Variants in LRSAM1 observed in about 807,000 individuals in gnomAD.
LRSAM1 encodes the protein E3 ubiquitin-protein ligase LRSAM1.
Under a neutral mutation model 118.1 loss-of-function variants are expected in LRSAM1, and 96 were observed. The observed-to-expected ratio is 0.81, with a 90% CI of 0.69 to 0.96. The LOEUF is 0.96. Among genes scored for constraint, LRSAM1 ranks in the 40% least tolerant of loss-of-function variants. The pLI, the probability that LRSAM1 is intolerant of heterozygous loss-of-function variation, is 0.00. For synonymous variants in LRSAM1, 322 were observed against 364.2 expected, an observed-to-expected ratio of 0.88 and a Z score of 1.32; for missense variants, 804 against 915.5, an observed-to-expected ratio of 0.88 and a Z score of 1.57.
At chr9:127,462,401 G>T in intron 9 of LRSAM1, 28 bp downstream of exon 9, 1 of 1,613,394 alleles carries the variant, frequency 6.2e-7, no homozygotes, top group Non-Finnish European at 8.5e-7. Context: ...CTTGCCTGGG[G>T]TGCTCTCTGG....
At chr9:127,471,701 C>T (rs1025777565) in intron 10 of LRSAM1, among the ~76,000 whole-genome samples, 10 of 149,454 alleles carry the variant, frequency 6.7e-5, no homozygotes, top group African/African-American at 1.2e-4. Context: ...GCAGGAGAAT[C>T]GCTTGAACCC....
chr9:127,492,333 T>C (rs1835962066), intron 20 of LRSAM1, among the ~76,000 whole-genome samples: 1 of 152,208 alleles, frequency 6.6e-6, no homozygotes, highest in African/African-American at 2.4e-5. Flanking sequence ...GCGGGTGCCC[T>C]AGTCCCTGCC....
intron 16 of LRSAM1, among the ~76,000 whole-genome samples, chr9:127,484,012 C>T (rs1835633578): frequency 6.6e-6 from 1 of 152,144 alleles, no homozygotes; most frequent in Admixed American, 6.5e-5. Flanking sequence ...ACAACTGCCA[C>T]CACCATCCAT....
In LRSAM1 at chr9:127,485,898, C is replaced by T. The variant is rs1018209923; in HGVS notation, c.1259+63C>T. 32 of 1,528,344 alleles carry T rather than the reference C, an allele frequency of 2.1e-5. No individual in the cohort carries two copies. In the African/African-American group the frequency reaches 2.9e-4, roughly 14 times the overall value. The allele number at this position is 1,528,344 out of a possible 1,614,324, so 94.7% of individuals were successfully genotyped here. A position where few individuals can be genotyped will look rare whatever the true frequency, so the allele number is the denominator to read the frequency against. ...GGGGAGCTGGCTCAGGGCCCAAGAC[C>T]GTGGGATGAGAGCTGGGCACTAAAC... is the stretch of plus-strand genomic sequence containing the variant. On this transcript the variant is annotated intron_variant, in intron 17 of 25. Transcript: ENST00000300417.
chr9:127,485,618 A>G, intron 16 of LRSAM1, 118 bp from the exon 17 acceptor site: 1 of 888,604 alleles, frequency 1.1e-6, no homozygotes, highest in Non-Finnish European at 1.9e-6. Flanking sequence ...CAGGTAGGTA[A>G]CCAGGTGAGG....
intron 9 of LRSAM1, among the ~76,000 whole-genome samples, chr9:127,466,778 G>A (rs950121452): frequency 3.3e-5 from 5 of 151,708 alleles, no homozygotes; most frequent in East Asian, 1.9e-4. Context: ...TTTGGGAGGC[G>A]GGCGAATTGC....
chr9:127,491,183 T>C (rs1564278991), intron 19 of LRSAM1, 32 bp from the exon 20 acceptor site: 2 of 1,547,870 alleles, frequency 1.3e-6, no homozygotes. Context: ...TTAATGTGAG[T>C]AAAAAAAAAC....
chr9:127,489,531 G>A lies in LRSAM1; in HGVS notation c.1422+13G>A. ...GATCAGGAGCCAGGTGAGCGCTGGG[G>A]CTGGGGTCCCTGGACCTGCTCTCTC... On this transcript the variant is annotated intron_variant, in intron 19 of 25. Transcript: ENST00000300417. 6.2e-7 allele frequency: 1 copy of A among 1,601,920 alleles called. No individual in the cohort carries two copies. Among genetic ancestry groups the A allele is most frequent in the South Asian group, 1.1e-5 (1 of 88,738 alleles).
chr9:127,481,334 C>T lies in LRSAM1; in HGVS notation c.1088+107C>T. ...GTGGCACAATCTCGGCTCAGTGCAA[C>T]CCCCGCCGCCCAGGTCCAAGCAATT... On this transcript the variant is annotated intron_variant, in intron 15 of 25. Transcript: ENST00000300417. 4 of 1,207,196 alleles carry T rather than the reference C, an allele frequency of 3.3e-6. No individual in the cohort carries two copies. The South Asian group carries it at 3.8e-5, about 11-fold the overall frequency. 74.8% of individuals were successfully genotyped at this position (1,207,196 alleles called of 1,614,324 possible).
rs565955354 is a variant in LRSAM1, at chr9:127,455,426, G to A, written c.130-150G>A. ...ACATCCCCAACACCACTGCTTGCCA[G>A]CCTTGCCCCTGGGCTCAGCACTGCC... is the stretch of plus-strand genomic sequence containing the variant. On this transcript the variant is annotated intron_variant, in intron 4 of 25. Transcript: ENST00000300417. The A allele has an allele frequency of 1.3e-3, 1,009 of 806,404 alleles. 3 individuals are homozygous for A. Among genetic ancestry groups the A allele is most frequent in the South Asian group, 2.3e-3 (160 of 69,428 alleles). 50.0% of individuals were successfully genotyped at this position (806,404 alleles called of 1,614,324 possible). A position where few individuals can be genotyped will look rare whatever the true frequency, so the allele number is the denominator to read the frequency against.
chr9:127,461,347 T>C (rs933580114), intron 8 of LRSAM1, 90 bp downstream of exon 8: 55 of 1,201,584 alleles, frequency 4.6e-5, no homozygotes, highest in Non-Finnish European at 6.6e-5. Context: ...CCGGGAGCCA[T>C]TGAGCAGGAG....
chr9:127,479,992 C>A lies in LRSAM1; in HGVS notation c.1043+14C>A, dbSNP rs1302106669. 2 of 1,614,060 alleles carry A rather than the reference C, an allele frequency of 1.2e-6. No individual in the cohort carries two copies. The highest frequency in any genetic ancestry group is 3.3e-5 in the Admixed American group (2 of 59,996). ...GGACAATCAGAGGTTGGGCTCTGCT[C>A]CTCGGCCCCAGCCCCAGAGTCCTTC... On this transcript the variant is annotated intron_variant, in intron 14 of 25. Coordinates refer to ENST00000300417, the MANE Select transcript of LRSAM1 (RefSeq NM_001005373.4).
At chr9:127,488,183 G>A (rs1835800875) in intron 18 of LRSAM1, among the ~76,000 whole-genome samples, 1 of 152,182 alleles carries the variant, frequency 6.6e-6, no homozygotes, top group Admixed American at 6.5e-5. Flanking sequence ...GGAGGTGCCT[G>A]GCAGGGCTCT....
In LRSAM1 at chr9:127,489,593, G is replaced by A. The variant is rs898042191; in HGVS notation, c.1422+75G>A. 1.1e-5 allele frequency: 17 copies of A among 1,503,930 alleles called. No individual in the cohort carries two copies. In the East Asian group the frequency reaches 1.9e-4, roughly 17 times the overall value. The allele number at this position is 1,503,930 out of a possible 1,614,324, so 93.2% of individuals were successfully genotyped here. On this transcript the variant is annotated intron_variant, in intron 19 of 25. Coordinates refer to ENST00000300417, the MANE Select transcript of LRSAM1 (RefSeq NM_001005373.4). The stretch of plus-strand genomic sequence containing the variant: ...GAGTGGCCCTCCAGGGCGGCAGGTC[G>A]CAGCAGTTGAGGTTTGAACCCCAGC...
chr9:127,453,644 CTCTAAGTT>C (rs1450971521), intron 2 of LRSAM1: 2 of 152,256 alleles, frequency 1.3e-5, no homozygotes, highest in African/African-American at 4.8e-5. Context: ...GAGGAAACGT[CTCTAAGTT>C]TCCCTAGAAC....
chr9:127,481,901 A>C (rs1835552416), intron 15 of LRSAM1, among the ~76,000 whole-genome samples: 1 of 152,082 alleles, frequency 6.6e-6, no homozygotes, highest in Middle Eastern at 3.4e-3. Context: ...ACTAAAAATC[A>C]AAACTTAGCC....
rs142195263 is a variant in LRSAM1, at chr9:127,480,082, C to T, written c.1043+104C>T. ...TCCCTCACTGCCTCTGCCCCTGCCCCGGGCTTCCCTTGTCAGGATCCAGTC... is the reference window on the plus strand; with the variant it reads ...TCCCTCACTGCCTCTGCCCCTGCCCTGGGCTTCCCTTGTCAGGATCCAGTC... On this transcript the variant is annotated intron_variant, in intron 14 of 25. Coordinates refer to ENST00000300417, the MANE Select transcript of LRSAM1 (RefSeq NM_001005373.4). 2,219 of 1,507,138 alleles carry T rather than the reference C, an allele frequency of 1.5e-3. 31 individuals are homozygous for T. The African/African-American group carries it at 0.026, about 18-fold the overall frequency. The allele number at this position is 1,507,138 out of a possible 1,614,324, so 93.4% of individuals were successfully genotyped here. A position where few individuals can be genotyped will look rare whatever the true frequency, so the allele number is the denominator to read the frequency against.
intron 19 of LRSAM1, among the ~76,000 whole-genome samples, chr9:127,490,274 C>CT (rs1196396071): frequency 8.2e-6 from 1 of 121,214 alleles, no homozygotes; most frequent in East Asian, 2.1e-4. Context: ...TTCTTTCTTT[C>CT]TTTTTTTGGA....
At chr9:127,469,326 T>TG (rs988641017) in intron 10 of LRSAM1, among the ~76,000 whole-genome samples, 1 of 151,860 alleles carries the variant, frequency 6.6e-6, no homozygotes, top group African/African-American at 2.4e-5. Flanking sequence ...AAAAACTAAC[T>TG]GGGCATGGTG....
Sources: allele counts gnomAD v4.1 joint callset (sites outside exome capture counted in the v4.1 genomes callset), GRCh38; gene constraint gnomAD v4.1.1; transcripts MANE v1.5; gene names NCBI Gene and HGNC (gene_info 2026-07-23, HGNC 2026-07-21).